Variants in PPP2R2B observed in about 807,000 individuals in gnomAD.
PPP2R2B encodes serine/threonine-protein phosphatase 2A 55 kDa regulatory subunit B beta isoform.
PPP2R2B carries 5 observed loss-of-function variants against 46.0 expected under a neutral mutation model. That is an observed-to-expected ratio of 0.11 (90% confidence interval 0.06 to 0.23). The LOEUF is 0.23. PPP2R2B is among the 10% of genes least tolerant of loss of function. The pLI is 1.00. For synonymous variants in PPP2R2B, 215 were observed against 206.7 expected (o/e 1.04, Z -0.34); for missense variants, 367 against 575.0 (o/e 0.64, Z 3.70).
intron 2 of PPP2R2B, among the ~76,000 whole-genome samples, chr5:146,745,229 G>A (rs1292028763): frequency 1.4e-5 from 2 of 147,364 alleles, no homozygotes; most frequent in Admixed American, 1.4e-4. Context: ...AGCATGGAAT[G>A]ATGTGAAGAA....
At chr5:146,695,854 G>A (rs1025033456) in intron 4 of PPP2R2B, among the ~76,000 whole-genome samples, 1 of 151,870 alleles carries the variant, frequency 6.6e-6, no homozygotes, top group Non-Finnish European at 1.5e-5. Context: ...TTGGCCTAAG[G>A]GGGATTCTCA....
rs1582427411 is a variant in PPP2R2B, at chr5:146,919,753, C to T, written c.79+135912G>A. The T allele has an allele frequency of 2.0e-5, 3 of 152,292 alleles. No individual in the cohort carries two copies. In the East Asian group the frequency reaches 5.8e-4, roughly 29 times the overall value. 9.4% of individuals were successfully genotyped at this position (152,292 alleles called of 1,614,324 possible). The stretch of plus-strand genomic sequence containing the variant: ...CCCAAACAATAGCTCCAGATTCTTG[C>T]TATGTAGTTGAGTGTTTAATGTTTA... On this transcript the variant is annotated intron_variant, in intron 1 of 8. Transcript: ENST00000336640.
intron 1 of PPP2R2B, among the ~76,000 whole-genome samples, chr5:146,983,048 G>T (rs1368869209): frequency 1.3e-5 from 2 of 151,428 alleles, no homozygotes; most frequent in Non-Finnish European, 2.9e-5. Flanking sequence ...TATATATTAG[G>T]TTTTAAATCT....
At chr5:146,907,557 C>T (rs1459870552) in intron 1 of PPP2R2B, among the ~76,000 whole-genome samples, 1 of 152,218 alleles carries the variant, frequency 6.6e-6, no homozygotes, top group South Asian at 2.1e-4. Context: ...GGGCTAAGGG[C>T]AGGTGTACCT....
At chr5:146,766,057 A>G (rs1043151106) in intron 2 of PPP2R2B, among the ~76,000 whole-genome samples, 5 of 152,224 alleles carry the variant, frequency 3.3e-5, no homozygotes, top group Non-Finnish European at 4.4e-5. Context: ...AGTATCATTA[A>G]ATCATTAATA....
chr5:146,788,484 C>T (rs552092020), intron 2 of PPP2R2B, among the ~76,000 whole-genome samples: 18 of 152,080 alleles, frequency 1.2e-4, no homozygotes, highest in East Asian at 3.9e-4. Context: ...CCTCCCAGCA[C>T]GTTTGGGAGG....
chr5:146,802,831 C>T (rs1381545252), intron 2 of PPP2R2B, among the ~76,000 whole-genome samples: 1 of 152,152 alleles, frequency 6.6e-6, no homozygotes, highest in Non-Finnish European at 1.5e-5. Context: ...CCCCAAGGCT[C>T]AGAAGCCAGC....
intron 2 of PPP2R2B, among the ~76,000 whole-genome samples, chr5:146,840,153 G>A (rs1004810694): frequency 6.6e-6 from 1 of 152,188 alleles, no homozygotes; most frequent in African/African-American, 2.4e-5. Flanking sequence ...GTGAAAACAG[G>A]ATGGGCTTTA....
upstream of PPP2R2B, among the ~76,000 whole-genome samples, chr5:146,881,264 T>C (rs1415960962): frequency 3.9e-5 from 6 of 152,316 alleles, no homozygotes; most frequent in South Asian, 8.3e-4. Context: ...AGGCATTCCC[T>C]GACCACACGA....
chr5:146,608,552 T>G (rs1772525062), intron 7 of PPP2R2B, among the ~76,000 whole-genome samples: 1 of 152,080 alleles, frequency 6.6e-6, no homozygotes, highest in Admixed American at 6.5e-5. Flanking sequence ...ATCCCAGCAC[T>G]TTGGGAGGCC....
intron 1 of PPP2R2B, among the ~76,000 whole-genome samples, chr5:147,010,566 A>C (rs1438301628): frequency 6.6e-6 from 1 of 152,038 alleles, no homozygotes; most frequent in African/African-American, 2.4e-5. Flanking sequence ...GTTTTCATAG[A>C]GCTTACACTT....
At chr5:146,686,589 G>A (rs1202235821) in intron 5 of PPP2R2B, among the ~76,000 whole-genome samples, 1 of 151,932 alleles carries the variant, frequency 6.6e-6, no homozygotes, top group African/African-American at 2.4e-5. Flanking sequence ...TGTAAGGCAT[G>A]TTTGAATAAA....
chr5:146,948,747 T>G (rs1354806781), intron 1 of PPP2R2B, among the ~76,000 whole-genome samples: 1 of 152,078 alleles, frequency 6.6e-6, no homozygotes, highest in Non-Finnish European at 1.5e-5. Context: ...TGATTGGACT[T>G]GAGAGTTAAA....
chr5:146,718,809 G>A (rs548103488), intron 2 of PPP2R2B, among the ~76,000 whole-genome samples: 18 of 152,310 alleles, frequency 1.2e-4, no homozygotes, highest in African/African-American at 3.6e-4. Flanking sequence ...TGGATTGCCC[G>A]ATCCCTGAGA....
At chr5:146,890,372 C>G (rs575880173) in intron 1 of PPP2R2B, among the ~76,000 whole-genome samples, 64 of 152,282 alleles carry the variant, frequency 4.2e-4, no homozygotes, top group African/African-American at 1.5e-3. Context: ...TATCTTTAAC[C>G]AGTTCTATTA....
intron 2 of PPP2R2B, among the ~76,000 whole-genome samples, chr5:146,834,356 A>G (rs1247440985): frequency 6.6e-6 from 1 of 152,198 alleles, no homozygotes; most frequent in Non-Finnish European, 1.5e-5. Context: ...GCAGAACTGG[A>G]ATTTAGAATT....
At chr5:146,981,248 G>A (rs1753162920) in intron 1 of PPP2R2B, among the ~76,000 whole-genome samples, 1 of 152,100 alleles carries the variant, frequency 6.6e-6, no homozygotes, top group Admixed American at 6.5e-5. Flanking sequence ...TCTTACTGAA[G>A]TTCATACTTC....
chr5:146,966,750 T>TA (rs2151845574), intron 1 of PPP2R2B, among the ~76,000 whole-genome samples: 1 of 152,248 alleles, frequency 6.6e-6, no homozygotes, highest in Non-Finnish European at 1.5e-5. Context: ...GCCTATAGCA[T>TA]AAAAAATCAA....
intron 5 of PPP2R2B, among the ~76,000 whole-genome samples, chr5:146,663,574 G>T (rs1377055018): frequency 6.6e-6 from 1 of 152,022 alleles, no homozygotes; most frequent in African/African-American, 2.4e-5. Flanking sequence ...AAATTTTTTT[G>T]GTTTCCCAGT....
Sources: gnomAD v4.1 joint callset for allele counts (sites outside exome capture counted in the v4.1 genomes callset) on GRCh38, gnomAD v4.1.1 for gene constraint, MANE v1.5 for transcripts, NCBI Gene and HGNC (gene_info 2026-07-23, HGNC 2026-07-21) for gene names.